Variants in MGA observed in about 807,000 individuals in gnomAD.
MGA encodes MAX dimerization protein MGA.
MGA carries 40 observed loss-of-function variants against 261.1 expected under a neutral mutation model. That is an observed-to-expected ratio of 0.15 (90% CI 0.12 to 0.20). MGA has a LOEUF of 0.20. Among genes scored for constraint, MGA ranks in the 10% least tolerant of loss-of-function variants. The pLI is 1.00. For synonymous variants in MGA, 1,302 were observed against 1,290.6 expected (o/e 1.01, Z -0.19); for missense variants, 3,397 against 3,630.5 (o/e 0.94, Z 1.65).
At chr15:41,709,322 G>A (rs563047348) in intron 7 of MGA, among the ~76,000 whole-genome samples, 212 of 152,004 alleles carry the variant, frequency 1.4e-3, no homozygotes, top group African/African-American at 4.7e-3. Flanking sequence ...CACTCCAGCC[G>A]GAGTGACAGA....
rs918535926 is a variant in MGA at position 41,761,726 on chromosome 15, A to G, written c.7399-13A>G. ...TGGATCAATTTTCAATAATACCACT[A>G]TTTGTATTCTAGGCCTTCAGTGAAA... On this transcript the variant is annotated splice_polypyrimidine_tract_variant and intron_variant, in intron 20 of 23. Coordinates refer to ENST00000219905, the MANE Select transcript of MGA (RefSeq NM_001164273.2). 1.3e-6 allele frequency: 2 copies of G among 1,510,004 alleles called. No homozygotes were observed. Among genetic ancestry groups the G allele is most frequent in the Non-Finnish European group, 1.8e-6 (2 of 1,102,040 alleles). 93.5% of individuals were successfully genotyped at this position (1,510,004 alleles called of 1,614,324 possible). A position where few individuals can be genotyped will look rare whatever the true frequency, so the allele number is the denominator to read the frequency against.
At chr15:41,669,998 A>G (rs1183687262) in intron 2 of MGA, 40 bp downstream of exon 2, 1 of 1,503,260 alleles carries the variant, frequency 6.7e-7, no homozygotes, top group Non-Finnish European at 9.1e-7. Flanking sequence ...TAAAAGGAAG[A>G]TTGAGATGGG....
intron 15 of MGA, among the ~76,000 whole-genome samples, chr15:41,744,176 C>CTATA (rs544012747): frequency 1.3e-5 from 2 of 151,154 alleles, no homozygotes; most frequent in Non-Finnish European, 2.9e-5. Flanking sequence ...AAAAGTGAAT[C>CTATA]TATATATATA....
intron 2 of MGA, among the ~76,000 whole-genome samples, chr15:41,675,173 T>G (rs1458020182): frequency 2.6e-5 from 4 of 152,246 alleles, no homozygotes; most frequent in South Asian, 2.1e-4. Flanking sequence ...GGAGAATTGC[T>G]GGGTCATACA....
intron 5 of MGA, among the ~76,000 whole-genome samples, chr15:41,701,610 A>T (rs957925821): frequency 1.1e-4 from 17 of 152,124 alleles, no homozygotes; most frequent in Admixed American, 6.6e-5. Context: ...TTCTAAAGGG[A>T]CAGCTGCATC....
At chr15:41,659,779 TA>T (rs1246900340), upstream of MGA, among the ~76,000 whole-genome samples, 1 of 152,278 alleles carries the variant, frequency 6.6e-6, no homozygotes, top group Admixed American at 6.5e-5. Context: ...CTTTCATCTT[TA>T]TATCCGGCAA....
intron 1 of MGA, among the ~76,000 whole-genome samples, chr15:41,666,336 G>C (rs1326630577): frequency 6.6e-6 from 1 of 152,180 alleles, no homozygotes; most frequent in Non-Finnish European, 1.5e-5. Flanking sequence ...TCTTTCCAGA[G>C]ATAGTCTGTG....
chr15:41,656,227 G>A (rs1377564187), upstream of MGA, among the ~76,000 whole-genome samples: 1 of 152,074 alleles, frequency 6.6e-6, no homozygotes, highest in African/African-American at 2.4e-5. Context: ...AATAGAGTTA[G>A]GCTGGAGGCA....
At position 41,698,878 on chromosome 15, in the gene MGA, C is replaced by T; in HGVS notation, c.2029C>T (p.His677Tyr). 6.5e-7 allele frequency: 1 copy of T among 1,543,182 alleles called. No individual in the cohort carries two copies. Among genetic ancestry groups the T allele is most frequent in the Non-Finnish European group, 8.7e-7 (1 of 1,143,000 alleles). Reference sequence around the variant, plus strand: ...TGATGTATAGGAAGCTCTAGACATTCATGCAGTTGATGGGACAACAGAAGA... The same window carrying T: ...TGATGTATAGGAAGCTCTAGACATTTATGCAGTTGATGGGACAACAGAAGA... Residue 677 changes from histidine (H) to tyrosine (Y), a missense_variant, in exon 4 of 24, where the codon CAT becomes TAT. Coordinates refer to ENST00000219905, the MANE Select transcript of MGA (RefSeq NM_001164273.2).
intron 22 of MGA, 98 bp downstream of exon 22, chr15:41,762,460 G>GTTTTTTTTTTTT (rs1491528643): frequency 1.3e-4 from 25 of 190,548 alleles, no homozygotes; most frequent in African/African-American, 9.2e-4. Flanking sequence ...AGTTTTGTGT[G>GTTTTTTTTTTTT]GTTTTTTTTT....
chr15:41,762,290 C>G lies in MGA; in HGVS notation c.7672C>G (p.Leu2558Val), dbSNP rs180858394. 3 of 1,613,798 alleles carry G rather than the reference C, an allele frequency of 1.9e-6. No individual in the cohort carries two copies. The East Asian group carries it at 6.7e-5, about 36-fold the overall frequency. Residue 2558 changes from leucine (L) to valine (V), a missense_variant, in exon 22 of 24, where the codon CTT becomes GTT. By Grantham distance (32) the Leu-to-Val change is conservative (BLOSUM62 1). Transcript: ENST00000219905. ...AGGATCTTCTGCATCATCTGTAGAT[C>G]TTGGACAGATGTTTATAAATAACAG...
At chr15:41,676,804 A>G (rs779247210) in intron 2 of MGA, among the ~76,000 whole-genome samples, 8 of 152,332 alleles carry the variant, frequency 5.3e-5, no homozygotes, top group Admixed American at 2.0e-4. Flanking sequence ...TTGCTAAATT[A>G]TATTCTAAAA....
chr15:41,727,880 T>C (rs2061330983), intron 10 of MGA, among the ~76,000 whole-genome samples: 1 of 152,218 alleles, frequency 6.6e-6, no homozygotes, highest in Non-Finnish European at 1.5e-5. Flanking sequence ...TAGGAAGTTA[T>C]TCATTGTGTT....
chr15:41,679,341 G>T (rs150173238), intron 2 of MGA, among the ~76,000 whole-genome samples: 1 of 152,250 alleles, frequency 6.6e-6, no homozygotes, highest in African/African-American at 2.4e-5. Flanking sequence ...ACCGCGCTGG[G>T]CCGAGGTTTC....
At chr15:41,711,975 A>G (rs2060409646) in intron 8 of MGA, among the ~76,000 whole-genome samples, 1 of 152,160 alleles carries the variant, frequency 6.6e-6, no homozygotes, top group Non-Finnish European at 1.5e-5. Context: ...GATTACAGGC[A>G]TGAGTCACCA....
At chr15:41,711,990 C>T (rs1009912000) in intron 8 of MGA, among the ~76,000 whole-genome samples, 2 of 152,086 alleles carry the variant, frequency 1.3e-5, no homozygotes, top group Non-Finnish European at 2.9e-5. Context: ...TCACCACGCC[C>T]GGCCTGAAAA....
chr15:41,696,511 A>C lies in MGA; in HGVS notation c.1501A>C (p.Met501Leu). 6.2e-7 allele frequency: 1 copy of C among 1,613,982 alleles called. No homozygotes were observed. The highest frequency in any genetic ancestry group is 1.6e-4 in the Middle Eastern group (1 of 6,062). The change falls in exon 3 of 24, where the codon ATG becomes CTG. Residue 501 changes from methionine (M) to leucine (L), a missense_variant. Transcript: ENST00000219905. ...CACATCTCGAAAGGATAAATCTTCT[A>C]TGTTGGCAGAATTGGAATATTTGCC... is the stretch of plus-strand genomic sequence containing the variant.
At chr15:41,694,077 C>T (rs1423321321) in intron 2 of MGA, among the ~76,000 whole-genome samples, 1 of 151,932 alleles carries the variant, frequency 6.6e-6, no homozygotes, top group African/African-American at 2.4e-5. Context: ...TCAGTCTGCT[C>T]TGAGCTATTT....
At chr15:41,744,591 G>T (rs2062328462) in intron 15 of MGA, among the ~76,000 whole-genome samples, 1 of 152,186 alleles carries the variant, frequency 6.6e-6, no homozygotes, top group African/African-American at 2.4e-5. Flanking sequence ...TGGGAGTGAA[G>T]TCATTAGTGA....
Sources: allele counts gnomAD v4.1 joint callset (sites outside exome capture counted in the v4.1 genomes callset), GRCh38; gene constraint gnomAD v4.1.1; transcripts MANE v1.5; gene names NCBI Gene and HGNC (gene_info 2026-07-23, HGNC 2026-07-21).